GPR137B: variants seen among roughly 807,000 people sequenced by gnomAD.
GPR137B encodes G protein-coupled receptor 137B, also known as integral membrane protein GPR137B.
GPR137B carries 42 observed loss-of-function variants against 42.5 expected under a neutral mutation model. The observed-to-expected ratio is 0.99, with a 90% CI of 0.77 to 1.28. GPR137B has a LOEUF of 1.28. Among genes scored for constraint, GPR137B ranks in the 50% most tolerant of loss-of-function variants. The pLI, the probability that GPR137B is intolerant of heterozygous loss-of-function variation, is 0.00. For synonymous variants in GPR137B, 218 were observed against 209.7 expected (o/e 1.04, Z -0.34); for missense variants, 487 against 493.9 (o/e 0.99, Z 0.13).
chr1:236,178,901 C>T (rs1382314437), intron 3 of GPR137B, among the ~76,000 whole-genome samples: 1 of 144,874 alleles, frequency 6.9e-6, no homozygotes, highest in Non-Finnish European at 1.5e-5. Flanking sequence ...AGGTTCACGC[C>T]ATTCTCCTGC....
chr1:236,198,602 G>C (rs73122979), intron 5 of GPR137B, among the ~76,000 whole-genome samples: 2,024 of 152,262 alleles, frequency 0.013, 55 homozygotes, highest in African/African-American at 0.047. Context: ...CTGTGAGCAT[G>C]GGGGATGTGT....
At chr1:236,145,123 ATC>A (rs1661647494) in intron 1 of GPR137B, among the ~76,000 whole-genome samples, 2 of 152,212 alleles carry the variant, frequency 1.3e-5, no homozygotes, top group Non-Finnish European at 2.9e-5. Context: ...GCATGTCTCC[ATC>A]TCTGAGTGCT....
In GPR137B at chr1:236,183,925, A is replaced by G. The variant is rs1221302128; in HGVS notation, c.966+19A>G. The G allele has an allele frequency of 4.4e-6, 7 of 1,577,780 alleles. No individual in the cohort carries two copies. The highest frequency in any genetic ancestry group is 1.7e-4 in the Middle Eastern group (1 of 6,002). On this transcript the variant is annotated intron_variant, in intron 5 of 6. Transcript: ENST00000366592. ...GGACCTTGTAAGTAAACCATTTTAC[A>G]TTTGTAAGAAAATGTCTCCTAATTC...
At chr1:236,201,944 T>TGATGTGGGTTGCTTCCCC (rs1558496631) in intron 5 of GPR137B, among the ~76,000 whole-genome samples, 2 of 152,026 alleles carry the variant, frequency 1.3e-5, no homozygotes. Context: ...GGTGGTTCCT[T>TGATGTGGGTTGCTTCCCC]GATGTGGGTT....
chr1:236,157,976 G>A lies in GPR137B; in HGVS notation c.415-10730G>A, dbSNP rs141074399. On this transcript the variant is annotated intron_variant, in intron 1 of 6. Coordinates refer to ENST00000366592, the MANE Select transcript of GPR137B (RefSeq NM_003272.4). ...TATAAAGTGCAAAACCATACTGGAC[G>A]GTACTCTGTATCTTTCACGAATCCA... Among the ~76,000 whole-genome samples, 200 of 152,272 alleles carry A rather than the reference G, an allele frequency of 1.3e-3. 2 individuals carry two copies. The Middle Eastern group carries it at 0.027, about 21-fold the overall frequency.
chr1:236,190,838 G>A (rs1396885052), intron 5 of GPR137B, among the ~76,000 whole-genome samples: 1 of 152,126 alleles, frequency 6.6e-6, no homozygotes, highest in Non-Finnish European at 1.5e-5. Context: ...CCCTTCTTAA[G>A]GAGTATCTTT....
At chr1:236,166,557 C>T (rs1323327261) in intron 1 of GPR137B, among the ~76,000 whole-genome samples, 1 of 135,430 alleles carries the variant, frequency 7.4e-6, no homozygotes, top group Non-Finnish European at 1.5e-5. Context: ...ATCCCTGCCT[C>T]CTACCTACTT....
intron 2 of GPR137B, among the ~76,000 whole-genome samples, chr1:236,168,972 ATACT>A (rs1662443673): frequency 6.6e-6 from 1 of 152,334 alleles, no homozygotes; most frequent in African/African-American, 2.4e-5. Flanking sequence ...GACTTGCATC[ATACT>A]TACCCAGTTC....
chr1:236,201,199 G>T (rs2463196), intron 5 of GPR137B, among the ~76,000 whole-genome samples: 55,744 of 151,680 alleles, frequency 0.37, 11,644 homozygotes, highest in East Asian at 0.61. Flanking sequence ...TGAGAAATCT[G>T]CTGTTAAACA....
At chr1:236,175,357 G>A (rs976873700) in intron 2 of GPR137B, among the ~76,000 whole-genome samples, 9 of 152,224 alleles carry the variant, frequency 5.9e-5, no homozygotes, top group Middle Eastern at 3.4e-3. Context: ...AGGAAAATCC[G>A]TACATAAGTG....
intron 2 of GPR137B, among the ~76,000 whole-genome samples, chr1:236,174,998 C>T (rs992534532): frequency 3.3e-5 from 5 of 152,092 alleles, no homozygotes; most frequent in Admixed American, 1.3e-4. Flanking sequence ...ATACAAAAGT[C>T]ATGATTGAAG....
In GPR137B at chr1:236,150,203, G is replaced by C. The variant is rs561534358; in HGVS notation, c.414+7167G>C. ...TGTTTGTGTGTGTCTGTGTGCCTGT[G>C]TGTGTGTCTGTGCCTGTGTGTGCCT... is the stretch of plus-strand genomic sequence containing the variant. On this transcript the variant is annotated intron_variant, in intron 1 of 6. Coordinates refer to ENST00000366592, the MANE Select transcript of GPR137B (RefSeq NM_003272.4). The surrounding 1 kb of genome is among the most constrained non-coding windows in gnomAD (Gnocchi z 6.2). Among the ~76,000 whole-genome samples, 2 of 150,482 alleles carry C rather than the reference G, an allele frequency of 1.3e-5. No individual in the cohort carries two copies. Among genetic ancestry groups the C allele is most frequent in the South Asian group, 4.3e-4 (2 of 4,704 alleles).
rs771700330 is a variant in GPR137B at position 236,168,688 on chromosome 1, G to A, written c.415-18G>A. The stretch of plus-strand genomic sequence containing the variant: ...AACATATTGGACCCCAACCTGCCAT[G>A]CTTTTCTGTCGTTGCAGGTGATTTT... On this transcript the variant is annotated intron_variant, in intron 1 of 6. Transcript: ENST00000366592. 2.9e-5 allele frequency: 46 copies of A among 1,607,616 alleles called. No homozygotes were observed. The highest frequency in any genetic ancestry group is 3.7e-5 in the Non-Finnish European group (44 of 1,174,122).
chr1:236,187,873 A>C (rs1663079219), intron 5 of GPR137B, among the ~76,000 whole-genome samples: 1 of 152,182 alleles, frequency 6.6e-6, no homozygotes, highest in Admixed American at 6.5e-5. Context: ...GAAGAAAGTC[A>C]GTGGTAGCTT....
At position 236,208,419 on chromosome 1, in the gene GPR137B, T is replaced by C; in HGVS notation, c.*261T>C. The C allele has an allele frequency of 9.7e-7, 1 of 1,025,974 alleles. No homozygotes were observed. The highest frequency in any genetic ancestry group is 1.2e-6 in the Non-Finnish European group (1 of 803,824). The allele number at this position is 1,025,974 out of a possible 1,614,324, so 63.6% of individuals were successfully genotyped here. On this transcript the variant is annotated 3_prime_UTR_variant, in exon 7 of 7. Transcript: ENST00000366592. ...TCTGTACTTTTATAAAGATGTATTTTGTATAACTTAAATAATAATGCTAAA... is the reference window on the plus strand; with the variant it reads ...TCTGTACTTTTATAAAGATGTATTTCGTATAACTTAAATAATAATGCTAAA...
At chr1:236,178,386 G>T (rs1009035397) in intron 2 of GPR137B, 28 bp from the exon 3 acceptor site, 10 of 1,368,104 alleles carry the variant, frequency 7.3e-6, no homozygotes, top group Non-Finnish European at 1.0e-5. Context: ...GGGATGTGCA[G>T]CTGACAAGTT....
intron 5 of GPR137B, among the ~76,000 whole-genome samples, chr1:236,192,157 CG>C (rs1663207362): frequency 6.6e-6 from 1 of 152,062 alleles, no homozygotes; most frequent in Non-Finnish European, 1.5e-5. Flanking sequence ...TCAGCAATGG[CG>C]GATGTCCCTC....
chr1:236,156,542 G>A lies in GPR137B; in HGVS notation c.415-12164G>A, dbSNP rs909022341. Among the ~76,000 whole-genome samples, 3 of 152,190 alleles carry A rather than the reference G, an allele frequency of 2.0e-5. No homozygotes were observed. The highest frequency in any genetic ancestry group is 7.2e-5 in the African/African-American group (3 of 41,436). The stretch of plus-strand genomic sequence containing the variant: ...GGAAGAAAAGAACATCCTAACGCAG[G>A]CATAGAGGCCCCGCCCTTGCTCGCA... On this transcript the variant is annotated intron_variant, in intron 1 of 6. Transcript: ENST00000366592. The surrounding 1 kb of genome is among the most constrained non-coding windows in gnomAD (Gnocchi z 4.8).
chr1:236,188,633 G>A (rs10924661), intron 5 of GPR137B, among the ~76,000 whole-genome samples: 50,466 of 152,056 alleles, frequency 0.33, 8,960 homozygotes, highest in East Asian at 0.61. Context: ...ATTGATTTGT[G>A]TATGTCGAAC....
Sources: gnomAD v4.1 joint callset for allele counts (sites outside exome capture counted in the v4.1 genomes callset) on GRCh38, gnomAD v4.1.1 for gene constraint, Gnocchi (gnomAD v3.1) non-coding constraint, MANE v1.5 for transcripts, NCBI Gene and HGNC (gene_info 2026-07-23, HGNC 2026-07-21) for gene names.